NOX4: variants seen among roughly 807,000 people sequenced by gnomAD.
The protein encoded by NOX4 is kidney oxidase-1.
NOX4 carries 69 observed loss-of-function variants against 87.6 expected under a neutral mutation model. The observed-to-expected ratio is 0.79, with a 90% confidence interval of 0.65 to 0.96. The LOEUF (loss-of-function observed/expected upper bound fraction) is 0.96, where lower values mean the gene tolerates loss of function less well. Among genes scored for constraint, NOX4 ranks in the 40% least tolerant of loss-of-function variants. NOX4 has a pLI of 0.00. For synonymous variants in NOX4, 275 were observed against 238.2 expected (o/e 1.15, Z -1.42); for missense variants, 680 against 681.5 (o/e 1.00, Z 0.02).
the NOX4 span, among the ~76,000 whole-genome samples, chr11:89,582,689 G>T: frequency 6.6e-6 from 1 of 152,172 alleles, no homozygotes; most frequent in Non-Finnish European, 1.5e-5. Context: ...TGCTTCTCCA[G>T]GTTCCCTGCT....
chr11:89,536,765 C>G, the NOX4 span, among the ~76,000 whole-genome samples: 26 of 152,114 alleles, frequency 1.7e-4, no homozygotes, highest in African/African-American at 6.3e-4. Context: ...GATACTATGT[C>G]TGGCGTAAGG....
chr11:89,424,078 A>AT (rs1240284122), intron 7 of NOX4, among the ~76,000 whole-genome samples: 1 of 151,608 alleles, frequency 6.6e-6, no homozygotes, highest in African/African-American at 2.4e-5. Context: ...GTCTCAAAAA[A>AT]ATATATATAT....
At chr11:89,391,551 G>T (rs994577585) in intron 11 of NOX4, among the ~76,000 whole-genome samples, 3 of 151,818 alleles carry the variant, frequency 2.0e-5, no homozygotes, top group Admixed American at 2.0e-4. Flanking sequence ...AGGCTAGGAG[G>T]TTGAGATTAG....
intron 17 of NOX4, among the ~76,000 whole-genome samples, chr11:89,330,724 TAAAAC>T (rs1590937242): frequency 2.2e-5 from 3 of 136,720 alleles, no homozygotes; most frequent in South Asian, 2.5e-4. Flanking sequence ...AAAAAGAAAA[TAAAAC>T]AAAGAAAGAA....
At chr11:89,422,459 G>A (rs1943131289) in intron 7 of NOX4, among the ~76,000 whole-genome samples, 1 of 152,124 alleles carries the variant, frequency 6.6e-6, no homozygotes, top group Non-Finnish European at 1.5e-5. Context: ...CCTGGACAGT[G>A]TAACAAGAAT....
chr11:89,524,806 A>C, the NOX4 span, among the ~76,000 whole-genome samples: 47 of 152,118 alleles, frequency 3.1e-4, no homozygotes, highest in Non-Finnish European at 3.4e-4. Context: ...CCTCACATTA[A>C]CATTTTTGTG....
upstream of NOX4, among the ~76,000 whole-genome samples, chr11:89,502,552 G>C (rs1279426316): frequency 6.6e-6 from 1 of 151,956 alleles, no homozygotes; most frequent in African/African-American, 2.4e-5. Flanking sequence ...GTCCCTGTTA[G>C]CCAAGAATGG....
At chr11:89,404,196 C>T (rs901581835) in intron 8 of NOX4, among the ~76,000 whole-genome samples, 7 of 152,088 alleles carry the variant, frequency 4.6e-5, no homozygotes, top group African/African-American at 1.7e-4. Flanking sequence ...CTTAGACAAC[C>T]TAGGAATTTG....
intron 2 of NOX4, among the ~76,000 whole-genome samples, chr11:89,454,444 G>C (rs932225913): frequency 3.3e-5 from 5 of 152,066 alleles, no homozygotes; most frequent in Non-Finnish European, 4.4e-5. Flanking sequence ...TTTGGGTAGT[G>C]TCTGAACATT....
At chr11:89,575,798 T>C in the NOX4 span, among the ~76,000 whole-genome samples, 5 of 152,172 alleles carry the variant, frequency 3.3e-5, no homozygotes, top group African/African-American at 4.8e-5. Flanking sequence ...ACTTCATTTA[T>C]TTTTATTTTC....
intron 5 of NOX4, chr11:89,443,314 G>C (rs1944537258): frequency 6.6e-6 from 1 of 151,890 alleles, no homozygotes; most frequent in Non-Finnish European, 1.5e-5. Flanking sequence ...AAACTCTGGT[G>C]ATATGTGGAG....
At chr11:89,491,438 T>C, upstream of NOX4, 2 of 548,218 alleles carry the variant, frequency 3.6e-6, no homozygotes, top group South Asian at 2.4e-5. Flanking sequence ...AGCCGGGTTT[T>C]CCGGGCGCCC....
intron 2 of NOX4, among the ~76,000 whole-genome samples, chr11:89,481,716 T>G (rs16913372): frequency 0.16 from 23,770 of 152,052 alleles, 2,213 homozygotes; most frequent in African/African-American, 0.25. Context: ...TTAGAGGACC[T>G]ACATTCCACA....
intron 2 of NOX4, among the ~76,000 whole-genome samples, chr11:89,456,419 C>T (rs989540417): frequency 3.3e-5 from 5 of 151,878 alleles, no homozygotes; most frequent in African/African-American, 7.3e-5. Context: ...CCAAGATGGC[C>T]GACTAGATAC....
At chr11:89,342,661 T>C (rs566006708) in intron 13 of NOX4, among the ~76,000 whole-genome samples, 1 of 151,886 alleles carries the variant, frequency 6.6e-6, no homozygotes, top group East Asian at 1.9e-4. Flanking sequence ...ATAGCAGGAG[T>C]AAGGAAAAGA....
Position 89,357,649 on chromosome 11 carries a change from G to A in NOX4, c.1136-2606C>T, listed in dbSNP as rs371674202. On this transcript the variant is annotated intron_variant, in intron 12 of 17. Coordinates refer to ENST00000263317, the MANE Select transcript of NOX4 (RefSeq NM_016931.5). ...AACTTTACATATCAGGTAAAGAACC[G>A]TTAAATCAAACAGCTATATGTGTTA... 1.4e-4 allele frequency among the ~76,000 whole-genome samples: 21 copies of A among 152,182 alleles called. 1 individual carries two copies. The East Asian group carries it at 1.7e-3, about 13-fold the overall frequency.
intron 7 of NOX4, among the ~76,000 whole-genome samples, chr11:89,424,119 TAC>T (rs1943241389): frequency 6.6e-6 from 1 of 151,922 alleles, no homozygotes; most frequent in African/African-American, 2.4e-5. Flanking sequence ...ATCTTTATAG[TAC>T]ACAGTCTTTA....
In NOX4 at chr11:89,373,504, T is replaced by G. The variant is rs748926537; in HGVS notation, c.1075-12A>C. On this transcript the variant is annotated splice_polypyrimidine_tract_variant and intron_variant, in intron 11 of 17. Transcript: ENST00000263317. Reference sequence around the variant, plus strand: ...GTTTCAGTTGGACACTAAAAAAAAATACTAGAATCAATTGTGATTAATAAT... The same window carrying G: ...GTTTCAGTTGGACACTAAAAAAAAAGACTAGAATCAATTGTGATTAATAAT... 4.7e-6 allele frequency: 7 copies of G among 1,494,556 alleles called. No individual in the cohort carries two copies. Among genetic ancestry groups the G allele is most frequent in the Non-Finnish European group, 6.5e-6 (7 of 1,074,686 alleles). The allele number at this position is 1,494,556 out of a possible 1,614,324, so 92.6% of individuals were successfully genotyped here. A position where few individuals can be genotyped will look rare whatever the true frequency, so the allele number is the denominator to read the frequency against.
At chr11:89,453,876 C>T (rs979218901) in intron 2 of NOX4, among the ~76,000 whole-genome samples, 1 of 152,110 alleles carries the variant, frequency 6.6e-6, no homozygotes, top group African/African-American at 2.4e-5. Context: ...CCAGAAGGCA[C>T]ATATTAGGTA....
Sources: allele counts gnomAD v4.1 joint callset (sites outside exome capture counted in the v4.1 genomes callset), GRCh38; gene constraint gnomAD v4.1.1; transcripts MANE v1.5; gene names NCBI Gene and HGNC (gene_info 2026-07-23, HGNC 2026-07-21).